PLB1: variants seen among roughly 807,000 people sequenced by gnomAD.
PLB1 encodes the protein phospholipase B1, membrane-associated.
PLB1 carries 242 observed loss-of-function variants against 227.4 expected under a neutral mutation model. The ratio of observed to expected loss-of-function variants is 1.06; its 90% confidence interval spans 0.96 to 1.18. The LOEUF is 1.18. Ranked by LOEUF, PLB1 falls within the 50% of genes most tolerant of loss-of-function variation. The pLI, the probability that PLB1 is intolerant of heterozygous loss-of-function variation, is 0.00. For synonymous variants in PLB1, 757 were observed against 682.2 expected (o/e 1.11, Z -1.71); for missense variants, 1,858 against 1,816.3 (o/e 1.02, Z -0.42).
rs1407128913 is a variant in PLB1, at chr2:28,589,444, C to T, written c.1816-6C>T. The T allele has an allele frequency of 1.9e-6, 3 of 1,613,128 alleles. No homozygotes were observed. The highest frequency in any genetic ancestry group is 1.3e-5 in the African/African-American group (1 of 75,022). ...GCCTGACATCTGTCCCCTTTTCCTCCTGCAGGAGAAGACCCACCAACTGAT... is the reference window on the plus strand; with the variant it reads ...GCCTGACATCTGTCCCCTTTTCCTCTTGCAGGAGAAGACCCACCAACTGAT... On this transcript the variant is annotated splice_region_variant and splice_polypyrimidine_tract_variant and intron_variant, in intron 26 of 57. Coordinates refer to ENST00000327757, the MANE Select transcript of PLB1 (RefSeq NM_153021.5).
At chr2:28,534,333 C>T (rs1341967455) in intron 9 of PLB1, among the ~76,000 whole-genome samples, 1 of 152,206 alleles carries the variant, frequency 6.6e-6, no homozygotes, top group South Asian at 2.1e-4. Context: ...TTCCTAGATA[C>T]AGTGATTTTC....
At chr2:28,533,991 GTCTC>G (rs1572806124) in intron 9 of PLB1, among the ~76,000 whole-genome samples, 1 of 152,258 alleles carries the variant, frequency 6.6e-6, no homozygotes. Flanking sequence ...CTAATCCTCT[GTCTC>G]TTTTTCTTTG....
In PLB1 at chr2:28,568,405, C is replaced by G. The variant is rs373368559; in HGVS notation, c.1324+1566C>G. Among the ~76,000 whole-genome samples, 115 of 152,322 alleles carry G rather than the reference C, an allele frequency of 7.5e-4. 3 individuals carry two copies. Among genetic ancestry groups the G allele is most frequent in the African/African-American group, 2.6e-3 (108 of 41,574 alleles). On this transcript the variant is annotated intron_variant, in intron 20 of 57. Coordinates refer to ENST00000327757, the MANE Select transcript of PLB1 (RefSeq NM_153021.5). ...TGTTACCCCACAGGTGGATGACTCC[C>G]CTGACACACTTAGCCCAGAAATGGA...
In PLB1 at chr2:28,605,861, C is replaced by G; in HGVS notation, c.2970C>G (p.Leu990=). 1 of 1,612,986 alleles carries G rather than the reference C, an allele frequency of 6.2e-7. No individual in the cohort carries two copies. Among genetic ancestry groups the G allele is most frequent in the Non-Finnish European group, 8.5e-7 (1 of 1,179,046 alleles). Residue 990 remains leucine, a synonymous_variant, in exon 42 of 58, where the codon CTC becomes CTG. Coordinates refer to ENST00000327757, the MANE Select transcript of PLB1 (RefSeq NM_153021.5). ...ATATTGGTCTCTTTCAGGATGGGCT[C>G]CCAGATACGTCCTTCTTTGCCCCAG... ...NIQLPVLADG[L]PDTSFFAPDC...
chr2:28,552,879 C>G (rs940324407), intron 16 of PLB1, 49 bp from the exon 17 acceptor site: 6 of 1,525,840 alleles, frequency 3.9e-6, no homozygotes, highest in Admixed American at 1.7e-5. Context: ...CACCCATTTC[C>G]AGTTTAGAAA....
intron 9 of PLB1, among the ~76,000 whole-genome samples, chr2:28,532,793 T>G (rs554872386): frequency 3.3e-5 from 5 of 152,212 alleles, no homozygotes; most frequent in Non-Finnish European, 7.3e-5. Context: ...AGCTGCTGTT[T>G]TATTGAAGTA....
At chr2:28,546,259 G>A (rs564135302) in intron 14 of PLB1, among the ~76,000 whole-genome samples, 13 of 152,260 alleles carry the variant, frequency 8.5e-5, no homozygotes, top group African/African-American at 2.4e-4. Context: ...TACATCAGTC[G>A]TTTTGAAGGG....
chr2:28,622,624 C>G (rs11127180), intron 49 of PLB1, among the ~76,000 whole-genome samples: 24,670 of 152,168 alleles, frequency 0.16, 2,646 homozygotes, highest in East Asian at 0.55. Context: ...CATGGTGACT[C>G]ACACCTGTAA....
In PLB1 at chr2:28,550,060, G is replaced by A. The variant is rs1553420224; in HGVS notation, c.1059G>A (p.Leu353=). 1.2e-6 allele frequency: 2 copies of A among 1,612,986 alleles called. No homozygotes were observed. Among genetic ancestry groups the A allele is most frequent in the Non-Finnish European group, 1.7e-6 (2 of 1,179,214 alleles). ...GAAACAGCAACTACCTGACCAGACTGCAGAAACCCCAAGACAAGCTTGAGG... is the reference window on the plus strand; with the variant it reads ...GAAACAGCAACTACCTGACCAGACTACAGAAACCCCAAGACAAGCTTGAGG... The part of the protein sequence containing the change: ...SYRNSNYLTR[L]QKPQDKLEVR... The change falls in exon 16 of 58, where the codon CTG becomes CTA. Residue 353 remains leucine, a synonymous_variant. Transcript: ENST00000327757.
chr2:28,596,787 C>T (rs910685963), intron 33 of PLB1, among the ~76,000 whole-genome samples: 1 of 152,206 alleles, frequency 6.6e-6, no homozygotes, highest in African/African-American at 2.4e-5. Context: ...AGATTTACGG[C>T]ATCTGCCTTC....
chr2:28,601,391 G>T, intron 37 of PLB1, 59 bp downstream of exon 37: 1 of 1,442,168 alleles, frequency 6.9e-7, no homozygotes, highest in Non-Finnish European at 9.7e-7. Flanking sequence ...GTAGGCGTTG[G>T]AGATCTTCCC....
intron 5 of PLB1, 35 bp from the exon 6 acceptor site, chr2:28,525,870 C>A: frequency 1.9e-6 from 3 of 1,612,214 alleles, no homozygotes; most frequent in Non-Finnish European, 2.5e-6. Flanking sequence ...GACACAAATG[C>A]AGCCTGACAC....
chr2:28,536,507 A>G (rs1163154936), intron 9 of PLB1, among the ~76,000 whole-genome samples: 2 of 152,198 alleles, frequency 1.3e-5, no homozygotes, highest in African/African-American at 2.4e-5. Context: ...TGGAGGGTAC[A>G]CTGGTGTGTG....
In PLB1 at chr2:28,589,485, T is replaced by C. The variant is rs576916329; in HGVS notation, c.1851T>C (p.Tyr617=). ...ACCAACTGATTGAGAGTGGGCGATA[T>C]GACACAAGGGAAGATTTTACTGTGG... ...KTHQLIESGR[Y]DTREDFTVVV... Residue 617 remains tyrosine, a synonymous_variant, in exon 27 of 58, where the codon TAT becomes TAC. Coordinates refer to ENST00000327757, the MANE Select transcript of PLB1 (RefSeq NM_153021.5). 1.2e-6 allele frequency: 2 copies of C among 1,614,178 alleles called. No individual in the cohort carries two copies. The highest frequency in any genetic ancestry group is 4.5e-5 in the East Asian group (2 of 44,868).
intron 1 of PLB1, among the ~76,000 whole-genome samples, chr2:28,512,741 G>A (rs1453882578): frequency 6.7e-6 from 1 of 150,042 alleles, no homozygotes; most frequent in African/African-American, 2.5e-5. Flanking sequence ...GAGTCTGCAT[G>A]GTTTAGTGGT....
At chr2:28,564,275 G>A (rs574531505) in intron 18 of PLB1, among the ~76,000 whole-genome samples, 1 of 152,264 alleles carries the variant, frequency 6.6e-6, no homozygotes, top group African/African-American at 2.4e-5. Flanking sequence ...AGCTGGGCAA[G>A]GTGAAGTGCC....
intron 27 of PLB1, 43 bp downstream of exon 27, chr2:28,589,597 G>C: frequency 6.2e-7 from 1 of 1,604,292 alleles, no homozygotes; most frequent in South Asian, 1.1e-5. Context: ...TCCACAGATA[G>C]TGTGTGGCTG....
At chr2:28,496,880 C>T (rs759581923) in intron 1 of PLB1, among the ~76,000 whole-genome samples, 6 of 152,160 alleles carry the variant, frequency 3.9e-5, no homozygotes, top group East Asian at 1.9e-4. Flanking sequence ...GATGAGAGGA[C>T]GGGGTCTGGA....
intron 1 of PLB1, among the ~76,000 whole-genome samples, chr2:28,511,952 CTT>C (rs35941185): frequency 1.2e-4 from 16 of 131,342 alleles, no homozygotes; most frequent in African/African-American, 1.1e-4. Flanking sequence ...GCCTGGCTAA[CTT>C]TTTTTTTTTT....
Sources: gnomAD v4.1 joint callset for allele counts (sites outside exome capture counted in the v4.1 genomes callset) on GRCh38, gnomAD v4.1.1 for gene constraint, MANE v1.5 for transcripts, NCBI Gene and HGNC (gene_info 2026-07-23, HGNC 2026-07-21) for gene names.